The following XPO6 variants were observed in gnomAD, a reference collection of about 807,000 sequenced individuals.
XPO6 encodes the protein exportin-6.
In XPO6, 3 loss-of-function variants were observed where a neutral mutation model predicts 130.0. That is an observed-to-expected ratio of 0.02 (90% CI 0.01 to 0.06). XPO6 has a LOEUF of 0.06. XPO6 is among the 10% of genes least tolerant of loss of function. The pLI, the probability that XPO6 is intolerant of heterozygous loss-of-function variation, is 1.00. For synonymous variants in XPO6, 524 were observed against 548.9 expected (o/e 0.95, Z 0.63); for missense variants, 970 against 1,393.0 (o/e 0.70, Z 4.83).
chr16:28,172,664 T>C (rs566060787), intron 4 of XPO6, among the ~76,000 whole-genome samples: 1 of 152,094 alleles, frequency 6.6e-6, no homozygotes, highest in East Asian at 1.9e-4. Flanking sequence ...AATCAACCCC[T>C]CTCTATCTGG....
chr16:28,128,927 C>A (rs1254808544), intron 12 of XPO6, among the ~76,000 whole-genome samples: 1 of 152,170 alleles, frequency 6.6e-6, no homozygotes, highest in African/African-American at 2.4e-5. Context: ...TCCTTGCCAT[C>A]CTGATCCCTC....
intron 12 of XPO6, among the ~76,000 whole-genome samples, chr16:28,128,708 C>T (rs910513400): frequency 6.6e-5 from 10 of 152,206 alleles, no homozygotes; most frequent in African/African-American, 2.4e-4. Flanking sequence ...GGCCCTTCAG[C>T]CTCTTCCTGG....
rs1235429290 is a variant in XPO6, at chr16:28,108,340, T to C, written c.2342-663A>G. Among the ~76,000 whole-genome samples the C allele has an allele frequency of 2.6e-5, 4 of 152,104 alleles. No individual in the cohort carries two copies. In the East Asian group the frequency reaches 5.8e-4, roughly 22 times the overall value. ...CCATATGGCACACAGGGAAAACAGA[T>C]GTAGTGGGCCGCAAACAGGCAGAGG... On this transcript the variant is annotated intron_variant, in intron 17 of 23. Coordinates refer to ENST00000304658, the MANE Select transcript of XPO6 (RefSeq NM_015171.4).
At chr16:28,143,140 T>C (rs2042924763) in intron 9 of XPO6, among the ~76,000 whole-genome samples, 1 of 152,262 alleles carries the variant, frequency 6.6e-6, no homozygotes, top group African/African-American at 2.4e-5. Flanking sequence ...AAATTCCCAC[T>C]GTTTCAAGTG....
At chr16:28,149,458 A>G (rs1233868831) in intron 8 of XPO6, among the ~76,000 whole-genome samples, 1 of 152,204 alleles carries the variant, frequency 6.6e-6, no homozygotes, top group Non-Finnish European at 1.5e-5. Context: ...GTACCATATA[A>G]CAACATTTCC....
intron 13 of XPO6, 44 bp from the exon 14 acceptor site, chr16:28,121,806 AC>A (rs757077047): frequency 7.6e-7 from 1 of 1,321,316 alleles, no homozygotes; most frequent in Admixed American, 1.7e-5. Context: ...CAGCTTATGA[AC>A]TAAGACAGAC....
chr16:28,120,085 T>A (rs2087191969), intron 14 of XPO6, among the ~76,000 whole-genome samples: 1 of 152,170 alleles, frequency 6.6e-6, no homozygotes, highest in Non-Finnish European at 1.5e-5. Flanking sequence ...CCTCAAGTGA[T>A]CCGCCTGCCT....
chr16:28,172,158 G>A (rs1357007364), intron 4 of XPO6, among the ~76,000 whole-genome samples: 1 of 152,168 alleles, frequency 6.6e-6, no homozygotes, highest in Non-Finnish European at 1.5e-5. Context: ...AAAAAAGAAA[G>A]CTATTCTTTA....
chr16:28,099,288 C>G (rs1159877445), intron 23 of XPO6, among the ~76,000 whole-genome samples: 1 of 152,168 alleles, frequency 6.6e-6, no homozygotes, highest in Non-Finnish European at 1.5e-5. Flanking sequence ...ACGGTGAGAC[C>G]CTGCTTTTTT....
chr16:28,117,019 C>T (rs1026310579), intron 15 of XPO6: 2 of 312,846 alleles, frequency 6.4e-6, no homozygotes, highest in Non-Finnish European at 6.2e-6. Flanking sequence ...GTGCTTACCG[C>T]GCGAAGGAAA....
In XPO6 at chr16:28,192,376, G is replaced by A. The variant is rs145985169; in HGVS notation, c.4-11345C>T. Among the ~76,000 whole-genome samples, 686 of 152,028 alleles carry A rather than the reference G, an allele frequency of 4.5e-3. 6 individuals carry two copies. The highest frequency in any genetic ancestry group is 0.016 in the African/African-American group (664 of 41,456). ...TAATCATCCCCTCCAGGTTCCACTC[G>A]GTTGCTATAAAGTCTCAAGAAACCA... On this transcript the variant is annotated intron_variant, in intron 1 of 23. Transcript: ENST00000304658.
At chr16:28,129,196 G>A (rs1267938773) in intron 12 of XPO6, among the ~76,000 whole-genome samples, 1 of 152,144 alleles carries the variant, frequency 6.6e-6, no homozygotes, top group African/African-American at 2.4e-5. Flanking sequence ...GTTCTTTCCT[G>A]TTCTATCTGC....
At chr16:28,197,914 TAAA>T (rs56896819) in intron 1 of XPO6, among the ~76,000 whole-genome samples, 4 of 45,732 alleles carry the variant, frequency 8.7e-5, no homozygotes, top group Non-Finnish European at 1.1e-4. Context: ...GAGAGACTCT[TAAA>T]AAAAAAAAAA....
chr16:28,211,271 A>G, intron 1 of XPO6, 95 bp downstream of exon 1: 1 of 1,233,792 alleles, frequency 8.1e-7, no homozygotes, highest in Non-Finnish European at 1.0e-6. Context: ...TCTCCCCGCC[A>G]TGGGGAGAGC....
intron 6 of XPO6, among the ~76,000 whole-genome samples, chr16:28,162,155 G>C (rs2043287612): frequency 6.6e-6 from 1 of 152,212 alleles, no homozygotes; most frequent in Non-Finnish European, 1.5e-5. Flanking sequence ...AAAATAGCAG[G>C]ACCATGGTCA....
At chr16:28,138,934 C>T (rs553320148) in intron 9 of XPO6, among the ~76,000 whole-genome samples, 1 of 152,144 alleles carries the variant, frequency 6.6e-6, no homozygotes, top group Non-Finnish European at 1.5e-5. Context: ...AGAAGACAAT[C>T]GACAGATGCC....
At chr16:28,137,986 C>T (rs1041115040) in intron 9 of XPO6, among the ~76,000 whole-genome samples, 1 of 152,122 alleles carries the variant, frequency 6.6e-6, no homozygotes, top group African/African-American at 2.4e-5. Flanking sequence ...CCTACTTGCC[C>T]ATATCCAGCA....
At chr16:28,182,966 A>G (rs2141875065) in intron 1 of XPO6, among the ~76,000 whole-genome samples, 1 of 152,376 alleles carries the variant, frequency 6.6e-6, no homozygotes, top group African/African-American at 2.4e-5. Context: ...ACATGTTAAA[A>G]TAAATCAATA....
chr16:28,126,032 C>G (rs1207240119), intron 12 of XPO6, among the ~76,000 whole-genome samples, 184 bp from the exon 13 acceptor site: 1 of 152,230 alleles, frequency 6.6e-6, no homozygotes, highest in Non-Finnish European at 1.5e-5. Context: ...CCACCTAACA[C>G]TACACGTTTG....
Sources: gnomAD v4.1 joint callset for allele counts (sites outside exome capture counted in the v4.1 genomes callset) on GRCh38, gnomAD v4.1.1 for gene constraint, MANE v1.5 for transcripts, NCBI Gene and HGNC (gene_info 2026-07-23, HGNC 2026-07-21) for gene names.